The following MYO3B variants were observed in gnomAD, a reference collection of about 807,000 sequenced individuals.
MYO3B encodes myosin IIIB, also known as myosin-IIIb.
In MYO3B, 156 loss-of-function variants were observed where a neutral mutation model predicts 174.6. The observed-to-expected ratio is 0.89, with a 90% CI of 0.78 to 1.02. MYO3B has a LOEUF of 1.02. MYO3B is among the 50% of genes least tolerant of loss of function. MYO3B has a pLI of 0.00. For synonymous variants in MYO3B, 563 were observed against 569.1 expected, an observed-to-expected ratio of 0.99 and a Z score of 0.15; for missense variants, 1,632 against 1,639.4, an observed-to-expected ratio of 1.00 and a Z score of 0.08.
At chr2:170,593,843 A>C (rs4500910) in intron 32 of MYO3B, among the ~76,000 whole-genome samples, 5 of 152,040 alleles carry the variant, frequency 3.3e-5, no homozygotes, top group Non-Finnish European at 4.4e-5. Context: ...GAGCAACTGC[A>C]AGATTTTCCT....
chr2:170,556,187 C>T (rs1381545458), intron 32 of MYO3B, among the ~76,000 whole-genome samples: 1 of 148,800 alleles, frequency 6.7e-6, no homozygotes, highest in Admixed American at 6.6e-5. Context: ...CAGACCAAGA[C>T]TCTGTCTAGA....
chr2:170,515,993 G>T (rs1265066527), intron 29 of MYO3B, among the ~76,000 whole-genome samples: 1 of 152,124 alleles, frequency 6.6e-6, no homozygotes, highest in Non-Finnish European at 1.5e-5. Flanking sequence ...CAAAAGAAGG[G>T]TGTCTGGCTA....
intron 23 of MYO3B, among the ~76,000 whole-genome samples, chr2:170,450,302 T>C (rs1175941457): frequency 6.6e-6 from 1 of 152,236 alleles, no homozygotes; most frequent in Non-Finnish European, 1.5e-5. Flanking sequence ...ACCTAATATC[T>C]AAAAGATTAA....
intron 1 of MYO3B, among the ~76,000 whole-genome samples, chr2:170,190,416 G>T (rs56899155): frequency 0.054 from 8,273 of 152,182 alleles, 552 homozygotes; most frequent in East Asian, 0.3. Context: ...AGCCAGCTAG[G>T]TTTGTGTCCT....
intron 32 of MYO3B, among the ~76,000 whole-genome samples, chr2:170,623,462 T>G (rs895472894): frequency 4.6e-5 from 7 of 152,260 alleles, no homozygotes; most frequent in Non-Finnish European, 1.0e-4. Context: ...CTTTGTCGAT[T>G]CTGGATTTTA....
intron 30 of MYO3B, among the ~76,000 whole-genome samples, 182 bp from the exon 31 acceptor site, chr2:170,542,724 A>G (rs1690197347): frequency 6.6e-6 from 1 of 152,222 alleles, no homozygotes; most frequent in African/African-American, 2.4e-5. Flanking sequence ...ATGTAGGAGC[A>G]ACACCTAGTA....
rs953709528 is a variant in MYO3B at position 170,303,048 on chromosome 2, AT to A, written c.750-32329del. Among the ~76,000 whole-genome samples the A allele has an allele frequency of 1.1e-3, 168 of 152,066 alleles. 2 individuals are homozygous for A. The highest frequency in any genetic ancestry group is 9.4e-4 in the Non-Finnish European group (64 of 67,962). ...GCACATACCATATATAATGTTTAGG[AT>A]TTTTTTTCTAGTCACTTAACAATAT... On this transcript the variant is annotated intron_variant, in intron 7 of 34. Transcript: ENST00000408978.
chr2:170,404,217 T>G, intron 19 of MYO3B, 30 bp from the exon 20 acceptor site: 1 of 1,572,972 alleles, frequency 6.4e-7, no homozygotes, highest in African/African-American at 1.4e-5. Flanking sequence ...AGTTTTGGGC[T>G]GGAGAGAATC....
chr2:170,269,040 G>A (rs182732652), intron 7 of MYO3B, among the ~76,000 whole-genome samples: 2 of 152,306 alleles, frequency 1.3e-5, no homozygotes, highest in Admixed American at 1.3e-4. Context: ...AGGGATTGAG[G>A]TGGGGCAGTT....
intron 30 of MYO3B, among the ~76,000 whole-genome samples, chr2:170,520,732 G>A (rs956687527): frequency 2.6e-5 from 4 of 152,096 alleles, no homozygotes; most frequent in Admixed American, 2.0e-4. Flanking sequence ...CCGATACCCT[G>A]GCTAAATGTA....
intron 30 of MYO3B, among the ~76,000 whole-genome samples, chr2:170,528,257 T>C (rs571069005): frequency 3.9e-4 from 60 of 152,340 alleles, no homozygotes; most frequent in African/African-American, 1.4e-3. Flanking sequence ...TATTGGCTGG[T>C]AGCTGCCTAT....
chr2:170,391,427 T>C (rs1405806265), intron 14 of MYO3B, 93 bp from the exon 15 acceptor site: 2 of 586,044 alleles, frequency 3.4e-6, no homozygotes, highest in Non-Finnish European at 5.8e-6. Context: ...AAATTTGCCA[T>C]GGAATAATCT....
Position 170,220,931 on chromosome 2 carries a change from C to T in MYO3B, c.603+3536C>T, listed in dbSNP as rs188586562. On this transcript the variant is annotated intron_variant, in intron 6 of 34. Transcript: ENST00000408978. Reference sequence around the variant, plus strand: ...TTGGGAATCAGGCCTGCACTATTCTCACATTTTTATTTTCTAAATGGAGAA... The same window carrying T: ...TTGGGAATCAGGCCTGCACTATTCTTACATTTTTATTTTCTAAATGGAGAA... 5.3e-5 allele frequency among the ~76,000 whole-genome samples: 8 copies of T among 152,304 alleles called. No homozygotes were observed. The East Asian group carries it at 1.5e-3, about 29-fold the overall frequency.
intron 7 of MYO3B, among the ~76,000 whole-genome samples, chr2:170,278,117 A>G (rs2093476846): frequency 6.6e-6 from 1 of 152,172 alleles, no homozygotes; most frequent in Non-Finnish European, 1.5e-5. Flanking sequence ...GTGGGCTTCC[A>G]GTGCACAAAG....
Position 170,646,675 on chromosome 2 carries a change from C to T in MYO3B, c.3734-4953C>T, listed in dbSNP as rs1241290738. Among the ~76,000 whole-genome samples, 9 of 152,310 alleles carry T rather than the reference C, an allele frequency of 5.9e-5. No homozygotes were observed. The East Asian group carries it at 1.7e-3, about 29-fold the overall frequency. On this transcript the variant is annotated intron_variant, in intron 32 of 34. Coordinates refer to ENST00000408978, the MANE Select transcript of MYO3B (RefSeq NM_138995.5). ...CCTCCCAAAGTGTTGGGATTACAGG[C>T]GTGAGCCACCGTGCCCAGCCAGCTC...
chr2:170,250,983 G>T (rs2105330031), intron 7 of MYO3B, among the ~76,000 whole-genome samples: 1 of 151,942 alleles, frequency 6.6e-6, no homozygotes, highest in East Asian at 2.0e-4. Context: ...AGTTGAGGGG[G>T]TGTGATGGGC....
chr2:170,339,584 A>G (rs1172975366), intron 8 of MYO3B, among the ~76,000 whole-genome samples: 2 of 152,210 alleles, frequency 1.3e-5, no homozygotes, highest in African/African-American at 2.4e-5. Context: ...AATCAGGAGC[A>G]CTGGGGATGT....
chr2:170,379,200 T>G (rs1265171083), intron 9 of MYO3B, among the ~76,000 whole-genome samples: 1 of 150,804 alleles, frequency 6.6e-6, no homozygotes, highest in Non-Finnish European at 1.5e-5. Flanking sequence ...TACAATTTTT[T>G]TTTTTTTTTT....
At chr2:170,564,437 C>A (rs1411893283) in intron 32 of MYO3B, among the ~76,000 whole-genome samples, 5 of 152,324 alleles carry the variant, frequency 3.3e-5, no homozygotes, top group Middle Eastern at 3.4e-3. Context: ...CGCACCACTG[C>A]ACTCCAGCCT....
Sources: gnomAD v4.1 joint callset for allele counts (sites outside exome capture counted in the v4.1 genomes callset) on GRCh38, gnomAD v4.1.1 for gene constraint, MANE v1.5 for transcripts, NCBI Gene and HGNC (gene_info 2026-07-23, HGNC 2026-07-21) for gene names.